Variants in FMN1 observed in about 807,000 individuals in gnomAD.
FMN1 encodes the protein formin 1.
Under a neutral mutation model 132.4 loss-of-function variants are expected in FMN1, and 110 were observed. That is an observed-to-expected ratio of 0.83 (90% CI 0.71 to 0.97). The LOEUF (loss-of-function observed/expected upper bound fraction) is 0.97, where lower values mean the gene tolerates loss of function less well. FMN1 is among the 50% of genes least tolerant of loss of function. The probability of loss-of-function intolerance (pLI) is 0.00; values close to 1 mark genes in which losing one functional copy is unlikely to be tolerated. For synonymous variants in FMN1, 722 were observed against 651.7 expected, an observed-to-expected ratio of 1.11 and a Z score of -1.64; for missense variants, 1,792 against 1,705.3, an observed-to-expected ratio of 1.05 and a Z score of -0.90.
At chr15:32,845,660 G>A (rs1340117831) in intron 17 of FMN1, among the ~76,000 whole-genome samples, 1 of 152,112 alleles carries the variant, frequency 6.6e-6, no homozygotes, top group African/African-American at 2.4e-5. Flanking sequence ...AAAAAAATCA[G>A]TTTCAAAGGA....
At chr15:32,866,402 G>A (rs536024964) in intron 16 of FMN1, among the ~76,000 whole-genome samples, 57 of 152,112 alleles carry the variant, frequency 3.7e-4, no homozygotes, top group Middle Eastern at 3.4e-3. Context: ...TGAAAAAAAA[G>A]CATTTTGTAT....
At chr15:33,061,142 C>A (rs2037464153) in intron 6 of FMN1, among the ~76,000 whole-genome samples, 1 of 152,160 alleles carries the variant, frequency 6.6e-6, no homozygotes, top group Non-Finnish European at 1.5e-5. Flanking sequence ...TGCTTTCTAT[C>A]ATTGCTAGAT....
intron 4 of FMN1, among the ~76,000 whole-genome samples, chr15:33,100,493 A>G (rs1418692713): frequency 2.0e-5 from 3 of 152,058 alleles, no homozygotes; most frequent in Non-Finnish European, 2.9e-5. Context: ...ACATTTTTAC[A>G]TTTTTAAAGG....
chr15:32,980,991 G>A (rs190577521), intron 7 of FMN1, among the ~76,000 whole-genome samples: 1,707 of 152,240 alleles, frequency 0.011, 24 homozygotes, highest in South Asian at 0.022. Context: ...CCCAGCCTGG[G>A]CAGCAGAGTG....
At chr15:32,932,769 T>C (rs1369719174) in intron 9 of FMN1, among the ~76,000 whole-genome samples, 1 of 152,200 alleles carries the variant, frequency 6.6e-6, no homozygotes, top group Non-Finnish European at 1.5e-5. Flanking sequence ...TCCTAGGTTA[T>C]CCAATTTTTT....
chr15:33,012,788 A>G lies in FMN1; in HGVS notation c.2162-4713T>C, dbSNP rs915470123. On this transcript the variant is annotated intron_variant, in intron 6 of 20. Coordinates refer to ENST00000616417, the MANE Select transcript of FMN1 (RefSeq NM_001277313.2). ...GGTTATGGAGAAAACTTCAGTGGTCATGGTGGCTTTAGTGGCAGCTGTGGT... is the reference window on the plus strand; with the variant it reads ...GGTTATGGAGAAAACTTCAGTGGTCGTGGTGGCTTTAGTGGCAGCTGTGGT... 3.9e-4 allele frequency: 270 copies of G among 698,504 alleles called. 1 individual carries two copies. The Middle Eastern group carries it at 5.3e-3, about 14-fold the overall frequency. The allele number at this position is 698,504 out of a possible 1,614,324, so 43.3% of individuals were successfully genotyped here. A position where few individuals can be genotyped will look rare whatever the true frequency, so the allele number is the denominator to read the frequency against.
Position 32,878,062 on chromosome 15 carries a change from C to T in FMN1, c.3835+10110G>A, listed in dbSNP as rs191216613. 2.0e-5 allele frequency among the ~76,000 whole-genome samples: 3 copies of T among 152,220 alleles called. No homozygotes were observed. The South Asian group carries it at 6.2e-4, about 32-fold the overall frequency. On this transcript the variant is annotated intron_variant, in intron 16 of 20. Transcript: ENST00000616417. ...GTGAAAGTAATATGAAAAACGAAGG[C>T]TGTAATAGACAGTGCCTATTCAAAG...
At chr15:32,891,848 T>C (rs1402498337) in intron 15 of FMN1, among the ~76,000 whole-genome samples, 6 of 152,196 alleles carry the variant, frequency 3.9e-5, no homozygotes, top group South Asian at 4.1e-4. Context: ...CTTGATTTGA[T>C]TCTCTGCTTG....
intron 10 of FMN1, among the ~76,000 whole-genome samples, chr15:32,917,362 G>A (rs1359213047): frequency 1.3e-5 from 2 of 152,152 alleles, no homozygotes; most frequent in Non-Finnish European, 2.9e-5. Context: ...ACCCAGATAT[G>A]CACAAATCCT....
chr15:33,006,445 G>A (rs933832781), intron 7 of FMN1, among the ~76,000 whole-genome samples: 3 of 152,112 alleles, frequency 2.0e-5, no homozygotes, highest in African/African-American at 7.2e-5. Context: ...ACTGTTGGTA[G>A]GAATGTAAAC....
chr15:32,843,632 TTTTA>T (rs2058794440), intron 17 of FMN1, among the ~76,000 whole-genome samples: 1 of 152,230 alleles, frequency 6.6e-6, no homozygotes, highest in African/African-American at 2.4e-5. Flanking sequence ...TCACGCCACA[TTTTA>T]TTTATTTCAG....
At chr15:32,917,730 C>T (rs2060718615) in intron 10 of FMN1, among the ~76,000 whole-genome samples, 1 of 152,174 alleles carries the variant, frequency 6.6e-6, no homozygotes, top group Non-Finnish European at 1.5e-5. Flanking sequence ...TCATAGATGT[C>T]AGGCTATAAA....
chr15:32,983,615 A>G (rs1380532331), intron 7 of FMN1, among the ~76,000 whole-genome samples: 2 of 152,236 alleles, frequency 1.3e-5, no homozygotes, highest in African/African-American at 2.4e-5. Context: ...ATATAATGTT[A>G]CATAAAAGTT....
At chr15:33,156,168 G>T (rs1398246276) in intron 3 of FMN1, among the ~76,000 whole-genome samples, 3 of 151,768 alleles carry the variant, frequency 2.0e-5, no homozygotes. Flanking sequence ...GTGATAAAAT[G>T]ACAGTTATGA....
intron 18 of FMN1, 84 bp downstream of exon 18, chr15:32,804,197 T>C (rs560879434): frequency 1.0e-6 from 1 of 988,084 alleles, no homozygotes; most frequent in East Asian, 2.6e-5. Context: ...TAGAACTGCA[T>C]AGCAAAATGA....
intron 3 of FMN1, among the ~76,000 whole-genome samples, chr15:33,162,545 A>G (rs903065395): frequency 2.0e-4 from 30 of 152,338 alleles, no homozygotes; most frequent in African/African-American, 6.3e-4. Flanking sequence ...AGAGATTAAG[A>G]AAATGAACTT....
rs116058059 is a variant in FMN1, at chr15:32,818,785, G to A, written c.3929-14453C>T. On this transcript the variant is annotated intron_variant, in intron 17 of 20. Coordinates refer to ENST00000616417, the MANE Select transcript of FMN1 (RefSeq NM_001277313.2). The stretch of plus-strand genomic sequence containing the variant: ...TATGACAAGCCACACACACAAGCAC[G>A]CATTCAGTAGGAAACAGATCTCCCT... Among the ~76,000 whole-genome samples the A allele has an allele frequency of 2.1e-3, 316 of 152,196 alleles. 2 individuals carry two copies. Among genetic ancestry groups the A allele is most frequent in the African/African-American group, 7.3e-3 (303 of 41,518 alleles).
chr15:33,009,629 TTCTAAG>T (rs2140952055), intron 6 of FMN1, among the ~76,000 whole-genome samples: 1 of 152,356 alleles, frequency 6.6e-6, no homozygotes, highest in East Asian at 1.9e-4. Flanking sequence ...TCAGGCATTA[TTCTAAG>T]TCTTACTTTA....
chr15:33,146,956 C>T (rs902281997), intron 4 of FMN1, among the ~76,000 whole-genome samples: 4 of 151,976 alleles, frequency 2.6e-5, no homozygotes, highest in Admixed American at 6.6e-5. Flanking sequence ...GGGCAGATCA[C>T]GAGGTCAGGA....
Sources: allele counts gnomAD v4.1 joint callset (sites outside exome capture counted in the v4.1 genomes callset), GRCh38; gene constraint gnomAD v4.1.1; transcripts MANE v1.5; gene names NCBI Gene and HGNC (gene_info 2026-07-23, HGNC 2026-07-21).